Variants in NECAB1 observed in about 807,000 individuals in gnomAD.
The protein encoded by NECAB1 is N-terminal EF-hand calcium binding protein 1.
A neutral mutation model predicts 57.5 loss-of-function variants in NECAB1; 29 were observed. The observed-to-expected ratio is 0.50, with a 90% CI of 0.38 to 0.69. The LOEUF (loss-of-function observed/expected upper bound fraction) is 0.69. NECAB1 is among the 30% of genes least tolerant of loss of function. The pLI is 0.00. For missense variants in NECAB1, 372 were observed against 413.8 expected (o/e 0.90, Z 0.88); for synonymous variants, 142 against 147.7 (o/e 0.96, Z 0.28).
chr8:90,949,941 A>G, intron 11 of NECAB1, 57 bp downstream of exon 11: 1 of 1,056,464 alleles, frequency 9.5e-7, no homozygotes, highest in Non-Finnish European at 1.4e-6. Flanking sequence ...AATATGCATG[A>G]TGTAATTTTA....
At chr8:90,947,132 T>C (rs1810820944) in intron 10 of NECAB1, among the ~76,000 whole-genome samples, 1 of 152,148 alleles carries the variant, frequency 6.6e-6, no homozygotes, top group African/African-American at 2.4e-5. Flanking sequence ...CTCATTGCTT[T>C]AATAGATATG....
At chr8:90,832,735 G>A (rs1222184944) in intron 3 of NECAB1, among the ~76,000 whole-genome samples, 2 of 152,042 alleles carry the variant, frequency 1.3e-5, no homozygotes, top group Non-Finnish European at 2.9e-5. Flanking sequence ...CTACAGTTAA[G>A]CAATCTGATA....
At chr8:90,922,695 G>T (rs543796822) in intron 6 of NECAB1, among the ~76,000 whole-genome samples, 17 of 151,994 alleles carry the variant, frequency 1.1e-4, no homozygotes, top group African/African-American at 3.9e-4. Context: ...GTTTCACCAT[G>T]TTGGCCAAGC....
chr8:90,867,293 T>G (rs1347037972), intron 3 of NECAB1, among the ~76,000 whole-genome samples: 1 of 152,242 alleles, frequency 6.6e-6, no homozygotes, highest in Non-Finnish European at 1.5e-5. Flanking sequence ...TTTATTCTTT[T>G]GGAAATTCAA....
At chr8:90,928,177 T>C (rs1162803355) in intron 7 of NECAB1, 46 bp from the exon 8 acceptor site, 2 of 1,386,582 alleles carry the variant, frequency 1.4e-6, no homozygotes, top group Non-Finnish European at 2.0e-6. Flanking sequence ...ATTTCTTCTC[T>C]GTCTAAAGTT....
chr8:90,847,417 G>A (rs10956782), intron 3 of NECAB1, among the ~76,000 whole-genome samples: 42,535 of 152,174 alleles, frequency 0.28, 6,870 homozygotes, highest in East Asian at 0.73. Context: ...GGCATTGTCT[G>A]TAGCTTTTCC....
chr8:90,894,373 C>T (rs1809271621), intron 5 of NECAB1, among the ~76,000 whole-genome samples: 1 of 152,188 alleles, frequency 6.6e-6, no homozygotes, highest in South Asian at 2.1e-4. Context: ...TCTCACTCCC[C>T]AAACTATACA....
At position 90,956,999 on chromosome 8, in the gene NECAB1, T is replaced by C. The variant is rs1811045222; in HGVS notation, c.*1487T>C. 6.6e-6 allele frequency: 1 copy of C among 151,278 alleles called. No homozygotes were observed. Among genetic ancestry groups the C allele is most frequent in the African/African-American group, 2.4e-5 (1 of 41,122 alleles). 9.4% of individuals were successfully genotyped at this position (151,278 alleles called of 1,614,324 possible). A position where few individuals can be genotyped will look rare whatever the true frequency, so the allele number is the denominator to read the frequency against. On this transcript the variant is annotated 3_prime_UTR_variant, in exon 13 of 13. Transcript: ENST00000417640. ...GTGTGTGTGTGTATTTGTGTGCCTC[T>C]GGTCAACTCTAAGGATGACAGACAC...
chr8:90,818,679 T>C (rs1338627272), intron 2 of NECAB1, among the ~76,000 whole-genome samples: 1 of 152,038 alleles, frequency 6.6e-6, no homozygotes, highest in Admixed American at 6.6e-5. Flanking sequence ...CTTTGGTATG[T>C]TGCAGTTTGA....
At chr8:90,897,723 C>T (rs1489830006) in intron 5 of NECAB1, among the ~76,000 whole-genome samples, 1 of 152,138 alleles carries the variant, frequency 6.6e-6, no homozygotes, top group African/African-American at 2.4e-5. Context: ...AAAATTGACC[C>T]CCAGTGGTCT....
Position 90,935,735 on chromosome 8 carries a change from A to G in NECAB1, c.747+1378A>G, listed in dbSNP as rs568463225. ...GATTATTTTTTCTCTCTAGTTATGA[A>G]GAGGAAAAATTGTCTAAGGATTGTT... On this transcript the variant is annotated intron_variant, in intron 9 of 12. Transcript: ENST00000417640. Among the ~76,000 whole-genome samples the G allele has an allele frequency of 2.0e-5, 3 of 152,292 alleles. No homozygotes were observed. The South Asian group carries it at 6.2e-4, about 32-fold the overall frequency.
intron 5 of NECAB1, among the ~76,000 whole-genome samples, chr8:90,881,547 A>G (rs968964806): frequency 6.6e-6 from 1 of 152,032 alleles, no homozygotes; most frequent in Non-Finnish European, 1.5e-5. Flanking sequence ...TTATCATGCA[A>G]TCTGGTTGTT....
At chr8:90,840,616 A>G (rs1812438305) in intron 3 of NECAB1, among the ~76,000 whole-genome samples, 1 of 152,230 alleles carries the variant, frequency 6.6e-6, no homozygotes, top group South Asian at 2.1e-4. Flanking sequence ...ATTTTCTGGC[A>G]AGAAAATTGT....
intron 6 of NECAB1, among the ~76,000 whole-genome samples, chr8:90,918,717 C>G (rs1374611867): frequency 6.6e-6 from 1 of 152,050 alleles, no homozygotes; most frequent in African/African-American, 2.4e-5. Context: ...TCCGTCTCAC[C>G]CACCTCCTGT....
chr8:90,887,500 C>T (rs559371214), intron 5 of NECAB1, among the ~76,000 whole-genome samples: 10 of 152,066 alleles, frequency 6.6e-5, no homozygotes, highest in Non-Finnish European at 1.5e-4. Context: ...AAGACACAAA[C>T]AAGTAAGTAA....
chr8:90,824,013 C>A (rs994067353), intron 2 of NECAB1, among the ~76,000 whole-genome samples: 2 of 136,582 alleles, frequency 1.5e-5, no homozygotes, highest in African/African-American at 5.6e-5. Flanking sequence ...TAAAACCCCT[C>A]AGGCCCTCAA....
intron 4 of NECAB1, among the ~76,000 whole-genome samples, chr8:90,879,696 T>C (rs1047283259): frequency 3.3e-5 from 5 of 152,214 alleles, no homozygotes; most frequent in Non-Finnish European, 7.3e-5. Context: ...TCATTTGTTA[T>C]AAATAATTGC....
intron 4 of NECAB1, among the ~76,000 whole-genome samples, chr8:90,877,802 T>C (rs1381718065): frequency 6.6e-6 from 1 of 152,190 alleles, no homozygotes; most frequent in Middle Eastern, 3.2e-3. Context: ...CACTGACTTT[T>C]AGGATTTGTT....
intron 1 of NECAB1, among the ~76,000 whole-genome samples, chr8:90,797,572 G>GA (rs1186253875): frequency 6.6e-6 from 1 of 152,022 alleles, no homozygotes; most frequent in African/African-American, 2.4e-5. Flanking sequence ...GTTACTTAGG[G>GA]AAAAAAAGTC....
Sources: allele counts gnomAD v4.1 joint callset (sites outside exome capture counted in the v4.1 genomes callset), GRCh38; gene constraint gnomAD v4.1.1; transcripts MANE v1.5; gene names NCBI Gene and HGNC (gene_info 2026-07-23, HGNC 2026-07-21).